The following DUSP16 variants were observed in gnomAD, a reference collection of about 807,000 sequenced individuals.
DUSP16 encodes dual specificity protein phosphatase 16.
A neutral mutation model predicts 58.3 loss-of-function variants in DUSP16; 21 were observed. That is an observed-to-expected ratio of 0.36 (90% CI 0.26 to 0.52). The LOEUF is 0.52. Among genes scored for constraint, DUSP16 ranks in the 20% least tolerant of loss-of-function variants. The pLI, the probability that DUSP16 is intolerant of heterozygous loss-of-function variation, is 0.94. For missense variants in DUSP16, 726 were observed against 819.0 expected (o/e 0.89, Z 1.39); for synonymous variants, 320 against 323.8 (o/e 0.99, Z 0.12).
chr12:12,493,358 C>T (rs1007662552), intron 4 of DUSP16, among the ~76,000 whole-genome samples: 1 of 152,176 alleles, frequency 6.6e-6, no homozygotes, highest in African/African-American at 2.4e-5. Context: ...ACCTTGACTT[C>T]AACACATTAC....
chr12:12,540,949 CTTTTTTTTTT>C (rs1191975095), intron 1 of DUSP16, among the ~76,000 whole-genome samples: 51 of 43,806 alleles, frequency 1.2e-3, no homozygotes, highest in African/African-American at 3.1e-3. Flanking sequence ...CTTTTCTTTT[CTTTTTTTTTT>C]TTTTTTTTTT....
chr12:12,536,112 G>A (rs953802910), intron 1 of DUSP16, among the ~76,000 whole-genome samples: 1 of 152,174 alleles, frequency 6.6e-6, no homozygotes, highest in Non-Finnish European at 1.5e-5. Flanking sequence ...TCTCCTTACA[G>A]TACCATACAG....
chr12:12,519,740 T>C, intron 3 of DUSP16, 122 bp downstream of exon 3: 1 of 951,680 alleles, frequency 1.1e-6, no homozygotes, highest in Non-Finnish European at 1.6e-6. Context: ...TCAAAAGCTA[T>C]AAATAAATCA....
rs771368303 is a variant in DUSP16 at position 12,476,872 on chromosome 12, AGACT to A, written c.1955_1958del (p.Gln652LeufsTer68). 2 of 1,612,318 alleles carry A rather than the reference AGACT, an allele frequency of 1.2e-6. No individual in the cohort carries two copies. Among genetic ancestry groups the A allele is most frequent in the South Asian group, 1.1e-5 (1 of 91,066 alleles). Reference sequence around the variant, plus strand: ...TGATTTCCATGCTGCCCGAAAAGCTAGACTGACTGCCCACTTTCCCCAGCTCTTC... The same window carrying A: ...TGATTTCCATGCTGCCCGAAAAGCTAGACTGCCCACTTTCCCCAGCTCTTC... On this transcript the variant is annotated frameshift_variant, in exon 7 of 7. Coordinates refer to ENST00000298573, the MANE Select transcript of DUSP16 (RefSeq NM_030640.3). LOFTEE classifies it high-confidence loss of function.
chr12:12,505,975 C>A (rs1473722028), intron 3 of DUSP16: 1 of 152,214 alleles, frequency 6.6e-6, no homozygotes, highest in Non-Finnish European at 1.5e-5. Context: ...GGCTCCCAGT[C>A]ACTTCCAGAA....
At position 12,480,294 on chromosome 12, in the gene DUSP16, G is replaced by T; in HGVS notation, c.744C>A (p.Ile248=). 1 of 1,614,198 alleles carries T rather than the reference G, an allele frequency of 6.2e-7. No homozygotes were observed. Among genetic ancestry groups the T allele is most frequent in the African/African-American group, 1.3e-5 (1 of 75,068 alleles). ...CGATAGCGATGGTGGCGGAGCGGGA[G>T]ATCCCAGCTAAACAGTGCACTAGAA... is the stretch of plus-strand genomic sequence containing the variant. ...GCVLVHCLAG[I]SRSATIAIAY... is the part of the protein sequence containing the mutation. Residue 248 remains isoleucine (I), a synonymous_variant, in exon 6 of 7, where the codon ATC becomes ATA. Coordinates refer to ENST00000298573, the MANE Select transcript of DUSP16 (RefSeq NM_030640.3).
At chr12:12,539,845 G>A (rs1329739382) in intron 1 of DUSP16, among the ~76,000 whole-genome samples, 1 of 151,602 alleles carries the variant, frequency 6.6e-6, no homozygotes, top group East Asian at 1.9e-4. Flanking sequence ...GAGGTCAGGA[G>A]TTCAAGACCA....
At chr12:12,478,150 G>A (rs535590148) in intron 6 of DUSP16, 135 bp from the exon 7 acceptor site, 87 of 813,574 alleles carry the variant, frequency 1.1e-4, no homozygotes, top group South Asian at 7.8e-4. Flanking sequence ...TTACAAGTTC[G>A]GGGAGATGCT....
At chr12:12,487,462 G>A (rs980929934) in intron 4 of DUSP16, among the ~76,000 whole-genome samples, 56 of 152,132 alleles carry the variant, frequency 3.7e-4, no homozygotes, top group African/African-American at 1.3e-3. Flanking sequence ...CATTACTAGA[G>A]AGAGAAGTGG....
At position 12,475,486 on chromosome 12, in the gene DUSP16, C is replaced by T. The variant is rs1009203674; in HGVS notation, c.*1347G>A. On this transcript the variant is annotated 3_prime_UTR_variant, in exon 7 of 7. Coordinates refer to ENST00000298573, the MANE Select transcript of DUSP16 (RefSeq NM_030640.3). ...ACACGCCGGCCAGCGTTTCCAAAAA[C>T]AGCTTGGCCATGGCTTTGCACTCTA... 1 of 152,250 alleles carries T rather than the reference C, an allele frequency of 6.6e-6. No individual in the cohort carries two copies. The allele number at this position is 152,250 out of a possible 1,614,324, so 9.4% of individuals were successfully genotyped here. A position where few individuals can be genotyped will look rare whatever the true frequency, so the allele number is the denominator to read the frequency against.
At chr12:12,554,902 T>C (rs959664209) in intron 1 of DUSP16, among the ~76,000 whole-genome samples, 2 of 152,198 alleles carry the variant, frequency 1.3e-5, no homozygotes, top group African/African-American at 4.8e-5. Flanking sequence ...GATGTTTAAC[T>C]AAAGCTACGA....
In DUSP16 at chr12:12,492,977, G is replaced by C. The variant is rs553801462; in HGVS notation, c.532-5790C>G. Among the ~76,000 whole-genome samples, 33 of 152,234 alleles carry C rather than the reference G, an allele frequency of 2.2e-4. No homozygotes were observed. The East Asian group carries it at 6.4e-3, about 29-fold the overall frequency. On this transcript the variant is annotated intron_variant, in intron 4 of 6. Transcript: ENST00000298573. The stretch of plus-strand genomic sequence containing the variant: ...TCATTCTCAACTCCCCAGACTTTCA[G>C]GGTGGGAGTGCTCACGGCTCAATCC...
intron 1 of DUSP16, among the ~76,000 whole-genome samples, chr12:12,541,914 A>G (rs1944565282): frequency 6.7e-6 from 1 of 148,476 alleles, no homozygotes; most frequent in Non-Finnish European, 1.5e-5. Context: ...TAATCAACTG[A>G]TGAATAGATA....
rs1292287961 is a variant in DUSP16, at chr12:12,562,496, GTAA to G, written c.-748_-746del. The G allele has an allele frequency of 1.6e-5, 2 of 126,892 alleles. No individual in the cohort carries two copies. Among genetic ancestry groups the G allele is most frequent in the Non-Finnish European group, 3.2e-5 (2 of 63,350 alleles). The allele number at this position is 126,892 out of a possible 1,614,324, so 7.9% of individuals were successfully genotyped here. A position where few individuals can be genotyped will look rare whatever the true frequency, so the allele number is the denominator to read the frequency against. ...GGGGGTTGGGGGGGAGAGAGAGGTG[GTAA>G]TAATCGTTTAAAAACTGATTAAAGC... is the stretch of plus-strand genomic sequence containing the variant. On this transcript the variant is annotated 5_prime_UTR_variant, in exon 1 of 7. Coordinates refer to ENST00000298573, the MANE Select transcript of DUSP16 (RefSeq NM_030640.3).
chr12:12,558,802 G>A (rs1278432358), intron 1 of DUSP16, among the ~76,000 whole-genome samples: 3 of 152,040 alleles, frequency 2.0e-5, no homozygotes, highest in African/African-American at 7.2e-5. Flanking sequence ...AGGTATCAGA[G>A]GGCATTTTTC....
intron 3 of DUSP16, among the ~76,000 whole-genome samples, chr12:12,511,863 G>T (rs892989835): frequency 2.0e-5 from 3 of 152,024 alleles, no homozygotes; most frequent in African/African-American, 7.2e-5. Flanking sequence ...GCTGGACCTG[G>T]TGTTTCTCTA....
chr12:12,550,944 T>C (rs1386431475), intron 1 of DUSP16, among the ~76,000 whole-genome samples: 1 of 151,734 alleles, frequency 6.6e-6, no homozygotes, highest in Non-Finnish European at 1.5e-5. Flanking sequence ...TAATAAAAGG[T>C]ATTAATTTTT....
chr12:12,520,979 G>C lies in DUSP16; in HGVS notation c.120C>G (p.Ser40=), dbSNP rs781731369. 6.2e-7 allele frequency: 1 copy of C among 1,614,064 alleles called. No individual in the cohort carries two copies. The highest frequency in any genetic ancestry group is 1.3e-5 in the African/African-American group (1 of 74,924). The part of the protein sequence containing the change: ...DSRPFVEYNT[S]HILEAININC... Reference sequence around the variant, plus strand: ...TGATATTAATGGCTTCCAAAATGTGGGATGTATTGTATTCCACAAATGGCC... The same window carrying C: ...TGATATTAATGGCTTCCAAAATGTGCGATGTATTGTATTCCACAAATGGCC... The change falls in exon 2 of 7, where the codon TCC becomes TCG. Residue 40 remains serine, a synonymous_variant. Coordinates refer to ENST00000298573, the MANE Select transcript of DUSP16 (RefSeq NM_030640.3).
chr12:12,554,643 G>A (rs979053286), intron 1 of DUSP16: 7 of 151,618 alleles, frequency 4.6e-5, no homozygotes, highest in South Asian at 2.1e-4. Flanking sequence ...TGAACATTTC[G>A]CATCATTTTA....
Sources: gnomAD v4.1 joint callset for allele counts (sites outside exome capture counted in the v4.1 genomes callset) on GRCh38, gnomAD v4.1.1 for gene constraint, MANE v1.5 for transcripts, NCBI Gene and HGNC (gene_info 2026-07-23, HGNC 2026-07-21) for gene names.